UMPS: variants seen among roughly 807,000 people sequenced by gnomAD.
The protein encoded by UMPS is uridine monophosphate synthetase.
UMPS carries 21 observed loss-of-function variants against 38.9 expected under a neutral mutation model. The observed-to-expected ratio is 0.54, with a 90% CI of 0.38 to 0.78. The LOEUF is 0.78. UMPS is among the 30% of genes least tolerant of loss of function. UMPS has a pLI of 0.00. For synonymous variants in UMPS, 208 were observed against 219.3 expected, an observed-to-expected ratio of 0.95 and a Z score of 0.45; for missense variants, 533 against 591.6, an observed-to-expected ratio of 0.90 and a Z score of 1.03.
rs769347382 is a variant in UMPS at position 124,744,360 on chromosome 3, C to A, written c.*276C>A. 2.1e-5 allele frequency: 11 copies of A among 519,408 alleles called. No homozygotes were observed. The highest frequency in any genetic ancestry group is 1.1e-3 in the Middle Eastern group (2 of 1,774). The allele number at this position is 519,408 out of a possible 1,614,324, so 32.2% of individuals were successfully genotyped here. On this transcript the variant is annotated 3_prime_UTR_variant, in exon 6 of 6. Transcript: ENST00000232607. ...GTCCTGTCTGGGTTAGGGTCTTCCA[C>A]ATTTGAGGATCCTTCCTATCTCTCC...
rs1487121654 is a variant in UMPS, at chr3:124,748,830, T to A, written c.*4746T>A. 1 of 408,684 alleles carries A rather than the reference T, an allele frequency of 2.4e-6. No individual in the cohort carries two copies. The highest frequency in any genetic ancestry group is 4.9e-6 in the Non-Finnish European group (1 of 205,304). The allele number at this position is 408,684 out of a possible 1,614,324, so 25.3% of individuals were successfully genotyped here. ...GCTTCCTGTGGCTCCAGAGTAACAT[T>A]ATAGAGAAGCTGAATTCTCCTGTTT... is the stretch of plus-strand genomic sequence containing the variant. On this transcript the variant is annotated 3_prime_UTR_variant, in exon 6 of 6. Transcript: ENST00000232607.
chr3:124,736,702 T>C (rs1385773426), intron 2 of UMPS, among the ~76,000 whole-genome samples: 1 of 152,256 alleles, frequency 6.6e-6, no homozygotes, highest in Non-Finnish European at 1.5e-5. Flanking sequence ...TATGAAATTA[T>C]GCATTTTTAA....
At position 124,748,831 on chromosome 3, in the gene UMPS, A is replaced by AT. The variant is rs1559911539; in HGVS notation, c.*4748dup. 1 of 409,292 alleles carries AT rather than the reference A, an allele frequency of 2.4e-6. No homozygotes were observed. The highest frequency in any genetic ancestry group is 2.7e-5 in the Admixed American group (1 of 37,690). The allele number at this position is 409,292 out of a possible 1,614,324, so 25.4% of individuals were successfully genotyped here. A position where few individuals can be genotyped will look rare whatever the true frequency, so the allele number is the denominator to read the frequency against. On this transcript the variant is annotated 3_prime_UTR_variant, in exon 6 of 6. Transcript: ENST00000232607. ...CTTCCTGTGGCTCCAGAGTAACATT[A>AT]TAGAGAAGCTGAATTCTCCTGTTTT...
At chr3:124,735,034 T>TATAAA in intron 1 of UMPS, 59 bp from the exon 2 acceptor site, 2 of 1,464,878 alleles carry the variant, frequency 1.4e-6, no homozygotes, top group South Asian at 1.3e-5. Context: ...AAATAAAAAA[T>TATAAA]ATAAAATAAA....
chr3:124,748,281 G>T lies in UMPS; in HGVS notation c.*4197G>T, dbSNP rs756705990. 59 of 453,592 alleles carry T rather than the reference G, an allele frequency of 1.3e-4. No homozygotes were observed. The highest frequency in any genetic ancestry group is 6.2e-5 in the Non-Finnish European group (14 of 226,760). The allele number at this position is 453,592 out of a possible 1,614,324, so 28.1% of individuals were successfully genotyped here. A position where few individuals can be genotyped will look rare whatever the true frequency, so the allele number is the denominator to read the frequency against. Reference sequence around the variant, plus strand: ...TAATCAATGCTGTTTTATTAAATGCGGATTTTATTTTGGATTACAGGATGT... The same window carrying T: ...TAATCAATGCTGTTTTATTAAATGCTGATTTTATTTTGGATTACAGGATGT... On this transcript the variant is annotated 3_prime_UTR_variant, in exon 6 of 6. Transcript: ENST00000232607.
intron 1 of UMPS, among the ~76,000 whole-genome samples, chr3:124,731,190 G>A (rs2063473393): frequency 6.7e-6 from 1 of 149,050 alleles, no homozygotes; most frequent in Non-Finnish European, 1.5e-5. Context: ...TGGGCGACAA[G>A]TGAGACCCTG....
intron 4 of UMPS, among the ~76,000 whole-genome samples, chr3:124,741,021 A>G (rs1333047897): frequency 2.6e-5 from 4 of 152,152 alleles, no homozygotes; most frequent in Non-Finnish European, 4.4e-5. Context: ...GACAATCCCC[A>G]TGTGAAGATT....
chr3:124,730,730 C>A, intron 1 of UMPS, 103 bp downstream of exon 1: 2 of 1,389,668 alleles, frequency 1.4e-6, no homozygotes, highest in Non-Finnish European at 2.0e-6. Flanking sequence ...AGCAAAAGAG[C>A]CAAGCAGGCA....
In UMPS at chr3:124,737,642, G is replaced by T. The variant is rs747405574; in HGVS notation, c.385G>T (p.Gly129Ter). 60 of 1,614,092 alleles carry T rather than the reference G, an allele frequency of 3.7e-5. No individual in the cohort carries two copies. The highest frequency in any genetic ancestry group is 5.1e-5 in the Non-Finnish European group (60 of 1,180,052). Reference sequence around the variant, plus strand: ...AATCATTGAAGATGTTGTCACCAGTGGATCTAGTGTTTTGGAAACTGTTGA... The same window carrying T: ...AATCATTGAAGATGTTGTCACCAGTTGATCTAGTGTTTTGGAAACTGTTGA... ...CLIIEDVVTS[G>*]SSVLETVEVL... is the part of the protein sequence containing the mutation. Residue 129 changes from glycine to a stop codon, truncating the protein, a stop_gained, in exon 3 of 6, where the codon GGA (glycine) becomes TGA (stop). Transcript: ENST00000232607. LOFTEE classifies it high-confidence loss of function.
chr3:124,749,256 A>G lies in UMPS; in HGVS notation c.*5172A>G. 1 of 449,970 alleles carries G rather than the reference A, an allele frequency of 2.2e-6. No individual in the cohort carries two copies. The highest frequency in any genetic ancestry group is 4.4e-6 in the Non-Finnish European group (1 of 224,754). 27.9% of individuals were successfully genotyped at this position (449,970 alleles called of 1,614,324 possible). ...TATGGGTTCTTTTCAACCTGAATAG[A>G]TGGCCTAAAAATTCAAACTTGCCTC... On this transcript the variant is annotated 3_prime_UTR_variant, in exon 6 of 6. Transcript: ENST00000232607.
rs1192946866 is a variant in UMPS at position 124,740,110 on chromosome 3, G to C, written c.1069G>C (p.Val357Leu). Reference sequence around the variant, plus strand: ...AGGAGTTGTGAAAGGCCTGCAAGAAGTGGGCCTGCCTTTGCATCGGGGGTG... The same window carrying C: ...AGGAGTTGTGAAAGGCCTGCAAGAACTGGGCCTGCCTTTGCATCGGGGGTG... ...GSGVVKGLQE[V>L]GLPLHRGCLL... The change falls in exon 4 of 6, where the codon GTG (valine) becomes CTG (leucine). Residue 357 changes from valine to leucine, a missense_variant. Physicochemically the swap from Val to Leu is conservative, Grantham distance 32 (BLOSUM62 1). Coordinates refer to ENST00000232607, the MANE Select transcript of UMPS (RefSeq NM_000373.4). 2 of 1,614,024 alleles carry C rather than the reference G, an allele frequency of 1.2e-6. No individual in the cohort carries two copies. The highest frequency in any genetic ancestry group is 1.7e-6 in the Non-Finnish European group (2 of 1,180,056).
intron 1 of UMPS, chr3:124,731,610 C>T (rs1050694431): frequency 1.0e-5 from 3 of 297,380 alleles, no homozygotes; most frequent in African/African-American, 2.2e-5. Flanking sequence ...CTCGGGTGAG[C>T]ACAGGGGCTC....
chr3:124,745,518 T>C lies in UMPS; in HGVS notation c.*1434T>C, dbSNP rs1213091457. 2.2e-6 allele frequency: 1 copy of C among 454,046 alleles called. No individual in the cohort carries two copies. Among genetic ancestry groups the C allele is most frequent in the Admixed American group, 2.3e-5 (1 of 42,572 alleles). 28.1% of individuals were successfully genotyped at this position (454,046 alleles called of 1,614,324 possible). On this transcript the variant is annotated 3_prime_UTR_variant, in exon 6 of 6. Transcript: ENST00000232607. ...AGCTGGGACTACAAGCCTAGGATTT[T>C]TAACTCAGGTTTTTATTATATTCCC... is the stretch of plus-strand genomic sequence containing the variant.
At chr3:124,737,372 G>A in intron 2 of UMPS, 196 bp from the exon 3 acceptor site, 1 of 587,422 alleles carries the variant, frequency 1.7e-6, no homozygotes, top group African/African-American at 1.9e-5. Flanking sequence ...ATGTGTAACT[G>A]GCAAGTTTGG....
Position 124,746,733 on chromosome 3 carries a change from C to A in UMPS, c.*2649C>A. 1 of 449,166 alleles carries A rather than the reference C, an allele frequency of 2.2e-6. No individual in the cohort carries two copies. Among genetic ancestry groups the A allele is most frequent in the Non-Finnish European group, 4.5e-6 (1 of 224,428 alleles). The allele number at this position is 449,166 out of a possible 1,614,324, so 27.8% of individuals were successfully genotyped here. A position where few individuals can be genotyped will look rare whatever the true frequency, so the allele number is the denominator to read the frequency against. On this transcript the variant is annotated 3_prime_UTR_variant, in exon 6 of 6. Coordinates refer to ENST00000232607, the MANE Select transcript of UMPS (RefSeq NM_000373.4). ...AGCCTCTCCAGCTACTCGAGGCATT[C>A]TGTAGAACATAAGCCCATAGATTGT...
chr3:124,738,277 T>G, intron 3 of UMPS, 38 bp downstream of exon 3: 1 of 1,603,830 alleles, frequency 6.2e-7, no homozygotes, highest in South Asian at 1.1e-5. Flanking sequence ...GAATCAGAAA[T>G]CCAGCTTAAA....
chr3:124,746,373 C>T lies in UMPS; in HGVS notation c.*2289C>T, dbSNP rs1354285862. The stretch of plus-strand genomic sequence containing the variant: ...GCGTGTGCATTTCTAATGGGTGCCT[C>T]AAGTGATCTGTTTCTGATTTGTATT... On this transcript the variant is annotated 3_prime_UTR_variant, in exon 6 of 6. Transcript: ENST00000232607. 2 of 454,116 alleles carry T rather than the reference C, an allele frequency of 4.4e-6. No homozygotes were observed. The highest frequency in any genetic ancestry group is 3.1e-5 in the South Asian group (2 of 64,464). The allele number at this position is 454,116 out of a possible 1,614,324, so 28.1% of individuals were successfully genotyped here. A position where few individuals can be genotyped will look rare whatever the true frequency, so the allele number is the denominator to read the frequency against.
Position 124,744,796 on chromosome 3 carries a change from T to C in UMPS, c.*712T>C. The stretch of plus-strand genomic sequence containing the variant: ...TGTCCTGTATTCTCTGTCTAATGTG[T>C]TGCCCAAATAATACCTAATTGTTAG... On this transcript the variant is annotated 3_prime_UTR_variant, in exon 6 of 6. Coordinates refer to ENST00000232607, the MANE Select transcript of UMPS (RefSeq NM_000373.4). 2.2e-6 allele frequency: 1 copy of C among 454,144 alleles called. No individual in the cohort carries two copies. The highest frequency in any genetic ancestry group is 4.4e-6 in the Non-Finnish European group (1 of 226,798). The allele number at this position is 454,144 out of a possible 1,614,324, so 28.1% of individuals were successfully genotyped here.
intron 4 of UMPS, 133 bp from the exon 5 acceptor site, chr3:124,742,019 C>A (rs944110632): frequency 1.7e-5 from 13 of 768,136 alleles, no homozygotes; most frequent in Non-Finnish European, 2.8e-5. Flanking sequence ...GGTTCAAGAC[C>A]AGCCAGGGAA....
Sources: allele counts gnomAD v4.1 joint callset (sites outside exome capture counted in the v4.1 genomes callset), GRCh38; gene constraint gnomAD v4.1.1; transcripts MANE v1.5; gene names NCBI Gene and HGNC (gene_info 2026-07-23, HGNC 2026-07-21).